The following RREB1 variants were observed in gnomAD, a reference collection of about 807,000 sequenced individuals.
The protein encoded by RREB1 is ras responsive element binding protein 1.
A neutral mutation model predicts 117.8 loss-of-function variants in RREB1; 27 were observed. That is an observed-to-expected ratio of 0.23 (90% confidence interval 0.17 to 0.32). The LOEUF is 0.32. Ranked by LOEUF, RREB1 falls within the 10% of genes least tolerant of loss-of-function variation. The pLI, the probability that RREB1 is intolerant of heterozygous loss-of-function variation, is 1.00. For synonymous variants in RREB1, 1,298 were observed against 1,026.7 expected (o/e 1.26, Z -5.05); for missense variants, 2,577 against 2,378.2 (o/e 1.08, Z -1.74).
chr6:7,111,921 G>T (rs1039994476), intron 1 of RREB1, among the ~76,000 whole-genome samples: 7 of 152,038 alleles, frequency 4.6e-5, no homozygotes, highest in Non-Finnish European at 1.0e-4. Context: ...CTTTTATTCC[G>T]CATGAAACAG....
At chr6:7,173,813 A>G (rs1014641065) in intron 1 of RREB1, among the ~76,000 whole-genome samples, 2 of 152,076 alleles carry the variant, frequency 1.3e-5, no homozygotes, top group Admixed American at 6.5e-5. Flanking sequence ...AAGAAAAAAA[A>G]GGAAAGAAAC....
chr6:7,218,347 A>G (rs1287243990), intron 8 of RREB1: 1 of 152,176 alleles, frequency 6.6e-6, no homozygotes, highest in Non-Finnish European at 1.5e-5. Flanking sequence ...TCTCTGGGCC[A>G]CTCTGTTAAG....
intron 9 of RREB1, 62 bp from the exon 10 acceptor site, chr6:7,228,935 T>C (rs2113102888): frequency 7.2e-7 from 1 of 1,390,718 alleles, no homozygotes; most frequent in Non-Finnish European, 9.6e-7. Context: ...CATCTCCGTT[T>C]AGTGATTATT....
At chr6:7,169,723 A>T (rs771280561) in intron 1 of RREB1, among the ~76,000 whole-genome samples, 37 of 152,198 alleles carry the variant, frequency 2.4e-4, no homozygotes, top group Non-Finnish European at 4.6e-4. Flanking sequence ...TACTAGCAGG[A>T]AAGCTTATCA....
At chr6:7,133,326 C>T (rs982552242) in intron 1 of RREB1, among the ~76,000 whole-genome samples, 4 of 152,126 alleles carry the variant, frequency 2.6e-5, no homozygotes, top group African/African-American at 7.2e-5. Context: ...GGTGGAGCCA[C>T]AATTATTCCT....
chr6:7,154,623 C>T (rs1288624705), intron 1 of RREB1, among the ~76,000 whole-genome samples: 1 of 152,112 alleles, frequency 6.6e-6, no homozygotes, highest in East Asian at 1.9e-4. Context: ...TTATTGTCTC[C>T]ATCTCACAGA....
chr6:7,232,913 G>T (rs1415392795), intron 10 of RREB1, among the ~76,000 whole-genome samples: 1 of 151,624 alleles, frequency 6.6e-6, no homozygotes, highest in Non-Finnish European at 1.5e-5. Context: ...TTCTTTTTTT[G>T]AGACGGAGTC....
intron 1 of RREB1, among the ~76,000 whole-genome samples, chr6:7,142,744 A>T (rs1268894324): frequency 6.6e-6 from 1 of 152,094 alleles, no homozygotes; most frequent in Non-Finnish European, 1.5e-5. Flanking sequence ...CCACTCTAGG[A>T]CCCTAGAATG....
chr6:7,156,766 A>C (rs1217918217), intron 1 of RREB1, among the ~76,000 whole-genome samples: 2 of 152,246 alleles, frequency 1.3e-5, no homozygotes, highest in Admixed American at 6.5e-5. Context: ...CTTTGAAATA[A>C]GACAATCTTA....
rs147287515 is a variant in RREB1, at chr6:7,180,957, A to T, written c.-165-167A>T. On this transcript the variant is annotated intron_variant, in intron 2 of 12. Transcript: ENST00000379938. ...AGGGGTTAAGATAAGGTTGAGAAAC[A>T]GCTGTAGAATGTGGTTTTGGAAGAA... Among the ~76,000 whole-genome samples the T allele has an allele frequency of 3.8e-4, 58 of 152,370 alleles. 1 individual carries two copies. In the East Asian group the frequency reaches 7.1e-3, roughly 19 times the overall value.
At chr6:7,118,589 G>T (rs1353278003) in intron 1 of RREB1, among the ~76,000 whole-genome samples, 1 of 152,086 alleles carries the variant, frequency 6.6e-6, no homozygotes, top group Non-Finnish European at 1.5e-5. Flanking sequence ...TTAAAACCAA[G>T]TATAGTTTAA....
intron 9 of RREB1, 84 bp from the exon 10 acceptor site, chr6:7,228,913 A>G (rs1467569291): frequency 3.9e-6 from 5 of 1,279,418 alleles, no homozygotes; most frequent in Non-Finnish European, 5.2e-6. Context: ...AATGTACAAC[A>G]AATACTTTGT....
At chr6:7,117,967 A>G (rs1761488330) in intron 1 of RREB1, among the ~76,000 whole-genome samples, 1 of 152,220 alleles carries the variant, frequency 6.6e-6, no homozygotes, top group Admixed American at 6.5e-5. Flanking sequence ...ATCCTGGTTG[A>G]TTAAAAATAT....
At chr6:7,225,740 T>C (rs1387176320) in intron 8 of RREB1, among the ~76,000 whole-genome samples, 3 of 152,166 alleles carry the variant, frequency 2.0e-5, no homozygotes, top group Admixed American at 1.3e-4. Flanking sequence ...TGACATTTTG[T>C]GTGTGCTTCT....
intron 6 of RREB1, among the ~76,000 whole-genome samples, chr6:7,203,496 C>T (rs1200851584): frequency 2.0e-5 from 3 of 152,152 alleles, no homozygotes; most frequent in Non-Finnish European, 2.9e-5. Flanking sequence ...CAAATACTGC[C>T]AAGGAACCTG....
chr6:7,230,435 G>A lies in RREB1; in HGVS notation c.2336G>A (p.Gly779Asp). The change falls in exon 10 of 13, where the codon GGC (glycine) becomes GAC (aspartate). Residue 779 changes from glycine (G) to aspartate (D), a missense_variant. By Grantham distance (94) the Gly-to-Asp change is moderately conservative. Coordinates refer to ENST00000379938, the MANE Select transcript of RREB1 (RefSeq NM_001003699.4). ...CACATGCGCACGCACTGCGGCCGCG[G>A]CCTGGGCGGGGGCCACAAGGGCCGC... ...RIHMRTHCGRGLGGGHKGRKP... is the reference protein window; with the variant it reads ...RIHMRTHCGRDLGGGHKGRKP... 1.3e-6 allele frequency: 2 copies of A among 1,591,412 alleles called. No individual in the cohort carries two copies. Among genetic ancestry groups the A allele is most frequent in the Non-Finnish European group, 1.7e-6 (2 of 1,175,006 alleles).
chr6:7,223,890 T>A (rs1203503073), intron 8 of RREB1, among the ~76,000 whole-genome samples: 1 of 152,140 alleles, frequency 6.6e-6, no homozygotes, highest in African/African-American at 2.4e-5. Context: ...CCCAACCTGT[T>A]TATGTCTGTA....
chr6:7,229,735 C>G lies in RREB1; in HGVS notation c.1636C>G (p.Pro546Ala). Residue 546 changes from proline to alanine, a missense_variant, in exon 10 of 13, where the codon CCC becomes GCC. Physicochemically the swap from Pro to Ala is conservative, Grantham distance 27. Coordinates refer to ENST00000379938, the MANE Select transcript of RREB1 (RefSeq NM_001003699.4). This position sits in a 1 kb window ranked among gnomAD's most constrained non-coding sequence, Gnocchi z 4.5. ...GCISPSLPPPPLKLLKGSVEA... is the reference protein window; with the variant it reads ...GCISPSLPPPALKLLKGSVEA... Reference sequence around the variant, plus strand: ...TATCAGCCCCAGCCTGCCGCCACCGCCCCTGAAGCTCCTCAAAGGCTCAGT... The same window carrying G: ...TATCAGCCCCAGCCTGCCGCCACCGGCCCTGAAGCTCCTCAAAGGCTCAGT... 1 of 1,600,974 alleles carries G rather than the reference C, an allele frequency of 6.2e-7. No individual in the cohort carries two copies.
chr6:7,119,080 G>C (rs1209452197), intron 1 of RREB1, among the ~76,000 whole-genome samples: 3 of 151,820 alleles, frequency 2.0e-5, no homozygotes, highest in Non-Finnish European at 4.4e-5. Context: ...TGAAAGCCTC[G>C]TAGAGGATAT....
Sources: gnomAD v4.1 joint callset for allele counts (sites outside exome capture counted in the v4.1 genomes callset) on GRCh38, gnomAD v4.1.1 for gene constraint, Gnocchi (gnomAD v3.1) non-coding constraint, MANE v1.5 for transcripts, NCBI Gene and HGNC (gene_info 2026-07-23, HGNC 2026-07-21) for gene names.